Variants in PTPRT observed in about 807,000 individuals in gnomAD.
The protein encoded by PTPRT is protein tyrosine phosphatase receptor type T, also known as receptor-type tyrosine-protein phosphatase T.
In PTPRT, 56 loss-of-function variants were observed where a neutral mutation model predicts 176.8. The observed-to-expected ratio is 0.32, with a 90% CI of 0.26 to 0.40. The LOEUF is 0.40. PTPRT is among the 10% of genes least tolerant of loss of function. PTPRT has a pLI of 1.00. For synonymous variants in PTPRT, 783 were observed against 739.0 expected, an observed-to-expected ratio of 1.06 and a Z score of -0.96; for missense variants, 1,540 against 1,908.2, an observed-to-expected ratio of 0.81 and a Z score of 3.60.
rs1021168707 is a variant in PTPRT at position 42,449,832 on chromosome 20, G to A, written c.1451-1503C>T. On this transcript the variant is annotated intron_variant, in intron 8 of 30. Coordinates refer to ENST00000373187, the MANE Select transcript of PTPRT (RefSeq NM_007050.6). The stretch of plus-strand genomic sequence containing the variant: ...CTATACAGAATTTGTTGAATATTAA[G>A]AATATATAAAAAGGTTAAAAAAGGA... Among the ~76,000 whole-genome samples the A allele has an allele frequency of 2.0e-5, 3 of 151,970 alleles. No homozygotes were observed. The South Asian group carries it at 6.2e-4, about 32-fold the overall frequency.
At chr20:43,129,655 G>C (rs2013578827) in intron 1 of PTPRT, among the ~76,000 whole-genome samples, 1 of 114,188 alleles carries the variant, frequency 8.8e-6, no homozygotes, top group Non-Finnish European at 1.6e-5. Flanking sequence ...GTCTCGCTCT[G>C]TCGCCCAGGC....
intron 2 of PTPRT, among the ~76,000 whole-genome samples, chr20:42,869,122 G>A (rs2078800939): frequency 6.6e-6 from 1 of 152,174 alleles, no homozygotes. Flanking sequence ...GAACTGCCAG[G>A]GTGGGTGGGG....
At chr20:42,957,915 T>G (rs905822109) in intron 1 of PTPRT, among the ~76,000 whole-genome samples, 1 of 151,960 alleles carries the variant, frequency 6.6e-6, no homozygotes, top group South Asian at 2.1e-4. Flanking sequence ...TAATTAGATT[T>G]CCATTAATTA....
chr20:42,806,300 G>A (rs1345590237), intron 2 of PTPRT, among the ~76,000 whole-genome samples: 2 of 151,876 alleles, frequency 1.3e-5, no homozygotes, highest in African/African-American at 2.4e-5. Flanking sequence ...CCTGGCCAAC[G>A]TGGTGAAACC....
the PTPRT span, among the ~76,000 whole-genome samples, chr20:42,045,465 CAAAAT>C: frequency 6.6e-6 from 1 of 150,544 alleles, no homozygotes; most frequent in African/African-American, 2.5e-5. Flanking sequence ...CTAGATTAGA[CAAAAT>C]AAATCAATTG....
chr20:42,935,147 A>ATTTTTTTTTTTT (rs57178522), intron 1 of PTPRT, among the ~76,000 whole-genome samples: 3 of 42,166 alleles, frequency 7.1e-5, no homozygotes, highest in African/African-American at 2.8e-4. Context: ...TTTTGCCATA[A>ATTTTTTTTTTTT]TTTTTTTTTT....
chr20:42,794,303 C>T (rs1569160953), intron 2 of PTPRT, among the ~76,000 whole-genome samples: 1 of 152,080 alleles, frequency 6.6e-6, no homozygotes, highest in African/African-American at 2.4e-5. Context: ...AAGCTGCCTC[C>T]CTCTCACCCC....
At chr20:42,682,613 G>A (rs1394700640) in intron 6 of PTPRT, among the ~76,000 whole-genome samples, 1 of 152,214 alleles carries the variant, frequency 6.6e-6, no homozygotes, top group Non-Finnish European at 1.5e-5. Context: ...AAATTAAGGA[G>A]GAGGAAGTCT....
intron 1 of PTPRT, among the ~76,000 whole-genome samples, chr20:43,020,878 T>G (rs1416044265): frequency 2.0e-5 from 3 of 152,198 alleles, no homozygotes. Context: ...CTGCTGCTGC[T>G]GCCTATTTTA....
chr20:42,500,785 A>G (rs1488587315), intron 7 of PTPRT, among the ~76,000 whole-genome samples: 1 of 152,170 alleles, frequency 6.6e-6, no homozygotes, highest in Non-Finnish European at 1.5e-5. Context: ...GGGTATTTTT[A>G]GTTTAATGAT....
At chr20:42,756,376 G>T (rs1355070133) in intron 6 of PTPRT, 86 bp downstream of exon 6, 5 of 1,297,110 alleles carry the variant, frequency 3.9e-6, no homozygotes, top group Non-Finnish European at 5.1e-6. Context: ...GAATGTGGGG[G>T]AGGATCAGCA....
chr20:42,488,920 A>C (rs1219729604), intron 7 of PTPRT, among the ~76,000 whole-genome samples: 1 of 150,666 alleles, frequency 6.6e-6, no homozygotes, highest in Non-Finnish European at 1.5e-5. Flanking sequence ...GCTGCACTCC[A>C]GCCTGGGCAA....
intron 1 of PTPRT, among the ~76,000 whole-genome samples, chr20:42,917,621 A>G (rs961521077): frequency 6.6e-6 from 1 of 152,152 alleles, no homozygotes; most frequent in Non-Finnish European, 1.5e-5. Context: ...AAATCTCAGG[A>G]AAATTGAACA....
intron 7 of PTPRT, among the ~76,000 whole-genome samples, chr20:42,601,730 A>G (rs1392823906): frequency 6.6e-6 from 1 of 152,208 alleles, no homozygotes; most frequent in Non-Finnish European, 1.5e-5. Context: ...TAATGAATAC[A>G]TCTCAATAAA....
intron 9 of PTPRT, among the ~76,000 whole-genome samples, chr20:42,378,176 C>G (rs1323831905): frequency 6.6e-6 from 1 of 152,172 alleles, no homozygotes; most frequent in African/African-American, 2.4e-5. Flanking sequence ...TGTAAGATCC[C>G]CAAGGAGAGG....
intron 7 of PTPRT, among the ~76,000 whole-genome samples, chr20:42,477,594 C>T (rs2071312868): frequency 6.6e-6 from 1 of 152,128 alleles, no homozygotes; most frequent in Non-Finnish European, 1.5e-5. Context: ...TTGGAAATTG[C>T]TAAGAAAGCC....
At chr20:42,861,058 C>T (rs2078652448) in intron 2 of PTPRT, among the ~76,000 whole-genome samples, 1 of 152,198 alleles carries the variant, frequency 6.6e-6, no homozygotes. Flanking sequence ...TCTGTATCTC[C>T]CAGGCTTCCT....
At chr20:42,681,185 G>C (rs767502220) in intron 6 of PTPRT, among the ~76,000 whole-genome samples, 4 of 152,154 alleles carry the variant, frequency 2.6e-5, no homozygotes, top group African/African-American at 9.7e-5. Flanking sequence ...ATTTATAGCA[G>C]TTCTCTATCT....
At chr20:42,610,986 G>T (rs6102940) in intron 7 of PTPRT, among the ~76,000 whole-genome samples, 18,162 of 152,100 alleles carry the variant, frequency 0.12, 2,684 homozygotes, top group African/African-American at 0.35. Context: ...TGTCTATGTT[G>T]CAGCATGTAT....
Sources: gnomAD v4.1 joint callset for allele counts (sites outside exome capture counted in the v4.1 genomes callset) on GRCh38, gnomAD v4.1.1 for gene constraint, MANE v1.5 for transcripts, NCBI Gene and HGNC (gene_info 2026-07-23, HGNC 2026-07-21) for gene names.